The following C16orf96 variants were observed in gnomAD, a reference collection of about 807,000 sequenced individuals.
The protein encoded by C16orf96 is uncharacterized protein C16orf96.
A neutral mutation model predicts 103.6 loss-of-function variants in C16orf96; 108 were observed. That is an observed-to-expected ratio of 1.04 (90% CI 0.89 to 1.22). The LOEUF (loss-of-function observed/expected upper bound fraction) is 1.22, where lower values mean the gene tolerates loss of function less well. Among genes scored for constraint, C16orf96 ranks in the 50% most tolerant of loss-of-function variants. The pLI is 0.00. For missense variants in C16orf96, 1,586 were observed against 1,464.2 expected (o/e 1.08, Z -1.36); for synonymous variants, 566 against 593.5 (o/e 0.95, Z 0.67).
At chr16:4,563,244 A>G in intron 1 of C16orf96, 1 of 477,610 alleles carries the variant, frequency 2.1e-6, no homozygotes, top group Non-Finnish European at 4.0e-6. Flanking sequence ...TTCGCTCATG[A>G]CTGACTCGTT....
Position 4,578,970 on chromosome 16 carries a change from C to G in C16orf96, c.2186C>G (p.Thr729Arg), listed in dbSNP as rs2059548016. The change falls in exon 6 of 16, where the codon ACA (threonine) becomes AGA (arginine). Residue 729 changes from threonine to arginine, a missense_variant. Transcript: ENST00000444310. ...ANMGGPSSLG[T>R]TVDILQKKIG... is the part of the protein sequence containing the mutation. ...ATGGGAGGTCCTTCCAGCCTCGGGA[C>G]AACAGTGGACATATTGCAGAAAAAG... 1 of 1,551,354 alleles carries G rather than the reference C, an allele frequency of 6.4e-7. No homozygotes were observed. The highest frequency in any genetic ancestry group is 8.7e-7 in the Non-Finnish European group (1 of 1,146,892).
chr16:4,540,905 G>A, the C16orf96 span, among the ~76,000 whole-genome samples: 2 of 150,364 alleles, frequency 1.3e-5, no homozygotes, highest in African/African-American at 4.9e-5. Flanking sequence ...CACCATACCT[G>A]TCTGCAGTTT....
At chr16:4,595,129 G>T (rs982807767) in intron 14 of C16orf96, among the ~76,000 whole-genome samples, 1 of 152,184 alleles carries the variant, frequency 6.6e-6, no homozygotes, top group Non-Finnish European at 1.5e-5. Context: ...GCCAGTCCAC[G>T]GAGGACGGAC....
intron 9 of C16orf96, among the ~76,000 whole-genome samples, chr16:4,591,299 C>A (rs781779804): frequency 1.1e-4 from 16 of 152,150 alleles, no homozygotes; most frequent in Non-Finnish European, 2.2e-4. Flanking sequence ...ACATACAGAC[C>A]GTCAATAAAC....
At chr16:4,599,923 C>T (rs1897248503) in intron 15 of C16orf96, among the ~76,000 whole-genome samples, 177 bp from the exon 16 acceptor site, 1 of 152,208 alleles carries the variant, frequency 6.6e-6, no homozygotes, top group Admixed American at 6.5e-5. Flanking sequence ...GGGTCACCCA[C>T]CCAGGACATT....
At chr16:4,597,567 T>C (rs1055620355) in intron 14 of C16orf96, among the ~76,000 whole-genome samples, 3 of 152,094 alleles carry the variant, frequency 2.0e-5, no homozygotes, top group African/African-American at 7.2e-5. Flanking sequence ...ATCTTTTTTT[T>C]TTTTTTGAGA....
rs564536935 is a variant in C16orf96, at chr16:4,594,413, G to C, written c.2930G>C (p.Gly977Ala). The C allele has an allele frequency of 5.4e-5, 84 of 1,551,442 alleles. No individual in the cohort carries two copies. Among genetic ancestry groups the C allele is most frequent in the Non-Finnish European group, 6.7e-5 (77 of 1,147,002 alleles). Residue 977 changes from glycine (G) to alanine (A), a missense_variant, in exon 13 of 16, where the codon GGT (glycine) becomes GCT (alanine). Gly to Ala is a moderately conservative substitution (Grantham distance 60, BLOSUM62 0). Coordinates refer to ENST00000444310, the MANE Select transcript of C16orf96 (RefSeq NM_001145011.2). Reference protein sequence around the residue: ...GIQEDCQQDWGDGPQNATSLK... With the variant: ...GIQEDCQQDWADGPQNATSLK... ...CAGGAGGATTGTCAGCAGGACTGGG[G>C]TGATGGCCCCCAAAACGCCACCAGC... is the stretch of plus-strand genomic sequence containing the variant.
the C16orf96 span, among the ~76,000 whole-genome samples, chr16:4,550,358 T>G: frequency 2.0e-5 from 3 of 152,164 alleles, no homozygotes; most frequent in African/African-American, 7.2e-5. Context: ...GTGCTGAGAT[T>G]ACAGTAATTT....
intron 9 of C16orf96, among the ~76,000 whole-genome samples, chr16:4,588,863 T>G (rs973442359): frequency 1.3e-5 from 2 of 152,108 alleles, no homozygotes; most frequent in African/African-American, 4.8e-5. Context: ...ATGGTGGAGC[T>G]TGAGACTCAA....
chr16:4,600,447 C>A lies in C16orf96; in HGVS notation c.*130C>A, dbSNP rs1227470421. The A allele has an allele frequency of 4.9e-6, 3 of 615,230 alleles. No individual in the cohort carries two copies. Among genetic ancestry groups the A allele is most frequent in the African/African-American group, 4.0e-5 (2 of 49,570 alleles). 38.1% of individuals were successfully genotyped at this position (615,230 alleles called of 1,614,324 possible). On this transcript the variant is annotated 3_prime_UTR_variant, in exon 16 of 16. Coordinates refer to ENST00000444310, the MANE Select transcript of C16orf96 (RefSeq NM_001145011.2). ...AGGCCTATGTGGCCCCCCACCCCCACCCCCACCAAGTCCCCTCCATGTCCG... is the reference window on the plus strand; with the variant it reads ...AGGCCTATGTGGCCCCCCACCCCCAACCCCACCAAGTCCCCTCCATGTCCG...
chr16:4,580,146 T>C, intron 7 of C16orf96, 21 bp downstream of exon 7: 1 of 1,468,364 alleles, frequency 6.8e-7, no homozygotes, highest in Non-Finnish European at 9.1e-7. Context: ...CTGGGTAGGC[T>C]GGAGAAGGGC....
At position 4,591,918 on chromosome 16, in the gene C16orf96, A is replaced by T. The variant is rs1432532305; in HGVS notation, c.2711+134A>T. 5.4e-6 allele frequency: 4 copies of T among 742,900 alleles called. No individual in the cohort carries two copies. The East Asian group carries it at 1.1e-4, about 20-fold the overall frequency. 46.0% of individuals were successfully genotyped at this position (742,900 alleles called of 1,614,324 possible). On this transcript the variant is annotated intron_variant, in intron 10 of 15. Coordinates refer to ENST00000444310, the MANE Select transcript of C16orf96 (RefSeq NM_001145011.2). The stretch of plus-strand genomic sequence containing the variant: ...TGGGGGCTTGGCTGTGGCTGAAAGC[A>T]CTGAGGAGGAGGGAAGCTCTGGCCT...
chr16:4,561,186 A>G (rs905461242), intron 1 of C16orf96: 2 of 152,018 alleles, frequency 1.3e-5, no homozygotes, highest in African/African-American at 4.8e-5. Flanking sequence ...GGAGCCTGTT[A>G]ATCCCAGCTA....
chr16:4,576,676 G>A, intron 5 of C16orf96, 41 bp downstream of exon 5: 3 of 1,497,442 alleles, frequency 2.0e-6, no homozygotes, highest in Non-Finnish European at 2.7e-6. Flanking sequence ...AAGGGAGTGG[G>A]GCTCTCCCTG....
At chr16:4,586,279 T>G (rs1041583720) in intron 7 of C16orf96, among the ~76,000 whole-genome samples, 5 of 152,036 alleles carry the variant, frequency 3.3e-5, no homozygotes, top group Admixed American at 6.6e-5. Flanking sequence ...AAACAAAACA[T>G]GTTAAAGATA....
At chr16:4,574,129 G>A (rs36108764) in intron 2 of C16orf96, among the ~76,000 whole-genome samples, 37,843 of 152,048 alleles carry the variant, frequency 0.25, 5,367 homozygotes, top group African/African-American at 0.39. Context: ...CACTGTGCCC[G>A]GCCCTCTTGG....
At chr16:4,599,449 C>T in intron 15 of C16orf96, 85 bp downstream of exon 15, 1 of 1,192,464 alleles carries the variant, frequency 8.4e-7, no homozygotes, top group Non-Finnish European at 1.2e-6. Context: ...TCCCCCACAC[C>T]CCGCCTGGGC....
chr16:4,545,998 C>T, the C16orf96 span, among the ~76,000 whole-genome samples: 2 of 151,694 alleles, frequency 1.3e-5, no homozygotes, highest in Non-Finnish European at 2.9e-5. Flanking sequence ...TACAGGTGCA[C>T]ACCACCATGC....
chr16:4,597,421 C>A (rs894452156), intron 14 of C16orf96, among the ~76,000 whole-genome samples: 2 of 152,198 alleles, frequency 1.3e-5, no homozygotes, highest in African/African-American at 4.8e-5. Context: ...TCTGATGCAC[C>A]CAGTCCTGTC....
Sources: gnomAD v4.1 joint callset for allele counts (sites outside exome capture counted in the v4.1 genomes callset) on GRCh38, gnomAD v4.1.1 for gene constraint, MANE v1.5 for transcripts, NCBI Gene and HGNC (gene_info 2026-07-23, HGNC 2026-07-21) for gene names.